Variants in SPATA6 observed in about 807,000 individuals in gnomAD.
The protein encoded by SPATA6 is spermatogenesis associated 6.
In SPATA6, 56 loss-of-function variants were observed where a neutral mutation model predicts 65.3. That is an observed-to-expected ratio of 0.86 (90% CI 0.69 to 1.07). SPATA6 has a LOEUF of 1.07. Among genes scored for constraint, SPATA6 ranks in the 50% least tolerant of loss-of-function variants. SPATA6 has a pLI of 0.00. For missense variants in SPATA6, 590 were observed against 594.8 expected, an observed-to-expected ratio of 0.99 and a Z score of 0.08; for synonymous variants, 199 against 213.2, an observed-to-expected ratio of 0.93 and a Z score of 0.58.
chr1:48,436,346 C>G, intron 3 of SPATA6: 1 of 1,612,304 alleles, frequency 6.2e-7, no homozygotes. Context: ...ACAGTTTTCA[C>G]TGTTGGCAGC....
chr1:48,273,612 T>A, the SPATA6 span, among the ~76,000 whole-genome samples: 1 of 152,260 alleles, frequency 6.6e-6, no homozygotes, highest in East Asian at 1.9e-4. Flanking sequence ...TGTTCCTGTG[T>A]TAGTTTGCTG....
intron 11 of SPATA6, among the ~76,000 whole-genome samples, chr1:48,312,683 C>T (rs747048612): frequency 5.3e-5 from 8 of 151,340 alleles, no homozygotes; most frequent in Non-Finnish European, 1.0e-4. Flanking sequence ...AGCAACGGAA[C>T]AAAGTGGGAT....
At chr1:48,411,643 C>T (rs776712824) in intron 4 of SPATA6, 55 bp from the exon 5 acceptor site, 1 of 1,398,462 alleles carries the variant, frequency 7.2e-7, no homozygotes, top group Non-Finnish European at 9.4e-7. Context: ...TATTTAGAAA[C>T]AAAATCATCA....
intron 11 of SPATA6, 53 bp downstream of exon 11, chr1:48,355,617 G>A (rs1646635987): frequency 3.9e-6 from 5 of 1,269,568 alleles, no homozygotes; most frequent in Non-Finnish European, 5.5e-6. Flanking sequence ...CATCTTTGGT[G>A]GTTTTCTTGA....
chr1:48,323,046 T>A (rs1255086091), intron 11 of SPATA6, among the ~76,000 whole-genome samples: 1 of 152,256 alleles, frequency 6.6e-6, no homozygotes, highest in African/African-American at 2.4e-5. Flanking sequence ...AGAAATACCA[T>A]TTGACCCAGC....
intron 1 of SPATA6, among the ~76,000 whole-genome samples, chr1:48,469,946 T>C (rs1054191507): frequency 1.3e-5 from 2 of 152,098 alleles, no homozygotes; most frequent in African/African-American, 4.8e-5. Flanking sequence ...AGATAAATAA[T>C]AGCCATGCTG....
At chr1:48,385,472 C>A in intron 8 of SPATA6, 123 bp from the exon 9 acceptor site, 1 of 740,836 alleles carries the variant, frequency 1.3e-6, no homozygotes, top group East Asian at 3.1e-5. Context: ...CAAAATCCTT[C>A]AACAGTGTTA....
At chr1:48,281,714 G>A in the SPATA6 span, among the ~76,000 whole-genome samples, 1 of 151,908 alleles carries the variant, frequency 6.6e-6, no homozygotes, top group Non-Finnish European at 1.5e-5. Flanking sequence ...AACATTCCAT[G>A]CTCATGGGTA....
intron 7 of SPATA6, 124 bp downstream of exon 7, chr1:48,399,227 G>T (rs1266484076): frequency 4.5e-6 from 5 of 1,121,986 alleles, no homozygotes; most frequent in African/African-American, 1.6e-5. Flanking sequence ...GACTGCTAGG[G>T]TAGCAGTCAG....
intron 3 of SPATA6, among the ~76,000 whole-genome samples, chr1:48,440,052 T>C (rs1189019062): frequency 6.6e-6 from 1 of 152,248 alleles, no homozygotes; most frequent in South Asian, 2.1e-4. Context: ...CCTCTCAGCT[T>C]ACCCCCATAT....
intron 1 of SPATA6, among the ~76,000 whole-genome samples, chr1:48,455,016 C>T (rs1050414698): frequency 6.6e-6 from 1 of 152,190 alleles, no homozygotes; most frequent in African/African-American, 2.4e-5. Flanking sequence ...CTCCCTCTTA[C>T]TCTATGTTCC....
intron 3 of SPATA6, among the ~76,000 whole-genome samples, chr1:48,440,043 C>T (rs1391921666): frequency 6.6e-6 from 1 of 152,134 alleles, no homozygotes; most frequent in African/African-American, 2.4e-5. Flanking sequence ...ACAAGAGGAC[C>T]TCTCAGCTTA....
At chr1:48,310,254 C>A (rs1645169523) in intron 11 of SPATA6, among the ~76,000 whole-genome samples, 1 of 152,198 alleles carries the variant, frequency 6.6e-6, no homozygotes, top group African/African-American at 2.4e-5. Context: ...AAAGTGGGGT[C>A]TTCCAGGCAA....
At chr1:48,289,690 C>A in the SPATA6 span, among the ~76,000 whole-genome samples, 1 of 152,196 alleles carries the variant, frequency 6.6e-6, no homozygotes, top group Non-Finnish European at 1.5e-5. Context: ...GGCACAAGAA[C>A]TACTTGATGC....
At chr1:48,279,712 G>A in the SPATA6 span, among the ~76,000 whole-genome samples, 1 of 152,142 alleles carries the variant, frequency 6.6e-6, no homozygotes, top group Non-Finnish European at 1.5e-5. Context: ...AAGAGACTTA[G>A]ACTCCCACAC....
intron 11 of SPATA6, among the ~76,000 whole-genome samples, chr1:48,345,879 G>A (rs1646350831): frequency 6.6e-6 from 1 of 151,868 alleles, no homozygotes; most frequent in Non-Finnish European, 1.5e-5. Flanking sequence ...AAAACCTCAG[G>A]CCAGATGGAT....
At chr1:48,299,516 G>A (rs1409811393) in intron 12 of SPATA6, among the ~76,000 whole-genome samples, 3 of 38,202 alleles carry the variant, frequency 7.9e-5, no homozygotes, top group Non-Finnish European at 9.5e-5. Context: ...CTCCGTCTCG[G>A]AAAAAAAAAA....
At chr1:48,315,223 G>A (rs1645372221) in intron 11 of SPATA6, among the ~76,000 whole-genome samples, 1 of 152,136 alleles carries the variant, frequency 6.6e-6, no homozygotes, top group Non-Finnish European at 1.5e-5. Flanking sequence ...ACCAAAGCCT[G>A]GCAGAGACAT....
intron 9 of SPATA6, among the ~76,000 whole-genome samples, chr1:48,370,923 C>G (rs1490216704): frequency 6.6e-6 from 1 of 152,122 alleles, no homozygotes; most frequent in African/African-American, 2.4e-5. Context: ...AGCTAAGGAA[C>G]AAACTGACAA....
Sources: allele counts gnomAD v4.1 joint callset (sites outside exome capture counted in the v4.1 genomes callset), GRCh38; gene constraint gnomAD v4.1.1; transcripts MANE v1.5; gene names NCBI Gene and HGNC (gene_info 2026-07-23, HGNC 2026-07-21).